The following ACTN3 variants were observed in gnomAD, a reference collection of about 807,000 sequenced individuals.
ACTN3 encodes the protein alpha-actinin-3.
Under a neutral mutation model 119.6 loss-of-function variants are expected in ACTN3, and 91 were observed. That is an observed-to-expected ratio of 0.76 (90% CI 0.64 to 0.91). The LOEUF is 0.91. Among genes scored for constraint, ACTN3 ranks in the 40% least tolerant of loss-of-function variants. The pLI, the probability that ACTN3 is intolerant of heterozygous loss-of-function variation, is 0.00. For missense variants in ACTN3, 1,221 were observed against 1,215.1 expected, an observed-to-expected ratio of 1.00 and a Z score of -0.07; for synonymous variants, 456 against 478.8, an observed-to-expected ratio of 0.95 and a Z score of 0.62.
upstream of ACTN3, chr11:66,546,518 T>A (rs1404133736): frequency 1.3e-6 from 2 of 1,535,186 alleles, no homozygotes. Context: ...GAAATGGGGA[T>A]AGGGCTCTGT....
At position 66,554,107 on chromosome 11, in the gene ACTN3, G is replaced by T; in HGVS notation, c.445G>T (p.Ala149Ser). 6.2e-7 allele frequency: 1 copy of T among 1,613,734 alleles called. No individual in the cohort carries two copies. The highest frequency in any genetic ancestry group is 8.5e-7 in the Non-Finnish European group (1 of 1,179,888). ...GMIWTIILRF[A>S]IQDISVEETS... ...GATCTGGACCATCATCCTTCGCTTC[G>T]CCATCCAGGACATCTCTGTGGAAGG... Residue 149 changes from alanine (A) to serine (S), a missense_variant, in exon 4 of 21, where the codon GCC becomes TCC. By Grantham distance (99) the Ala-to-Ser change is moderately conservative (BLOSUM62 1). This residue lies in a region of ACTN3 where 239 missense variants were observed against 231.8 expected (regional missense o/e 1.03). Coordinates refer to ENST00000513398, the MANE Select transcript of ACTN3 (RefSeq NM_001104.4).
At chr11:66,557,250 C>T (rs371002263) in intron 9 of ACTN3, 25 bp downstream of exon 9, 18 of 1,547,494 alleles carry the variant, frequency 1.2e-5, no homozygotes, top group Admixed American at 3.9e-5. Flanking sequence ...CCACCGTGCT[C>T]TCCCCACCCC....
chr11:66,557,706 A>G lies in ACTN3; in HGVS notation c.905A>G (p.Glu302Gly), dbSNP rs746136942. The change falls in exon 10 of 21, where the codon GAG becomes GGG. Residue 302 changes from glutamate (E) to glycine (G), a missense_variant. Coordinates refer to ENST00000513398, the MANE Select transcript of ACTN3 (RefSeq NM_001104.4). Reference sequence around the variant, plus strand: ...CCTGCCTGGCCCTGTCAGCTGCTGGAGTGGATCCGCCGCACTGTCCCATGG... The same window carrying G: ...CCTGCCTGGCCCTGTCAGCTGCTGGGGTGGATCCGCCGCACTGTCCCATGG... ...EYEKLASELL[E>G]WIRRTVPWLE... 14 of 1,610,432 alleles carry G rather than the reference A, an allele frequency of 8.7e-6. No homozygotes were observed. The Middle Eastern group carries it at 1.2e-3, about 133-fold the overall frequency.
intron 8 of ACTN3, 98 bp downstream of exon 8, chr11:66,556,328 G>A: frequency 8.9e-7 from 1 of 1,128,338 alleles, no homozygotes; most frequent in African/African-American, 1.5e-5. Context: ...GGAGGTTGGA[G>A]TGCCACTGTG....
chr11:66,561,930 G>A, intron 17 of ACTN3, 92 bp from the exon 18 acceptor site: 1 of 1,483,046 alleles, frequency 6.7e-7, no homozygotes, highest in Non-Finnish European at 9.1e-7. Context: ...GGGAGGACTT[G>A]CCCAGGGTCA....
At position 66,562,297 on chromosome 11, in the gene ACTN3, G is replaced by C; in HGVS notation, c.2363G>C (p.Cys788Ser). Reference protein sequence around the residue: ...GMMEPDDFRACLISMGYDLGE... With the variant: ...GMMEPDDFRASLISMGYDLGE... ...ATGGAGCCTGATGACTTCCGAGCTT[G>C]CCTCATCTCCATGGGCTATGACCTG... is the stretch of plus-strand genomic sequence containing the variant. The change falls in exon 19 of 21, where the codon TGC becomes TCC. Residue 788 changes from cysteine to serine, a missense_variant. Around this residue, in one of 3 missense-constraint regions of ACTN3, gnomAD observed 934 missense variants for 899.9 expected, o/e 1.04. Coordinates refer to ENST00000513398, the MANE Select transcript of ACTN3 (RefSeq NM_001104.4). The C allele has an allele frequency of 6.2e-7, 1 of 1,613,328 alleles. No individual in the cohort carries two copies. The highest frequency in any genetic ancestry group is 8.5e-7 in the Non-Finnish European group (1 of 1,179,838).
chr11:66,549,778 G>A, intron 1 of ACTN3, among the ~76,000 whole-genome samples: 1 of 139,038 alleles, frequency 7.2e-6, no homozygotes, highest in African/African-American at 2.7e-5. Context: ...GCACCACCCA[G>A]ACCTGCCTAT....
intron 1 of ACTN3, among the ~76,000 whole-genome samples, chr11:66,547,692 G>C (rs749227018): frequency 1.3e-5 from 2 of 152,134 alleles, no homozygotes; most frequent in Non-Finnish European, 2.9e-5. Flanking sequence ...TCTTTCCCAA[G>C]ATACCCCAGG....
intron 7 of ACTN3, 82 bp downstream of exon 7, chr11:66,555,449 TTCC>T: frequency 6.9e-7 from 1 of 1,439,938 alleles, no homozygotes; most frequent in Non-Finnish European, 9.7e-7. Context: ...GCACGGCCCT[TTCC>T]TCCTCCTGGG....
chr11:66,556,683 C>T (rs1857596853), intron 8 of ACTN3, among the ~76,000 whole-genome samples: 1 of 152,206 alleles, frequency 6.6e-6, no homozygotes, highest in African/African-American at 2.4e-5. Flanking sequence ...GTAACTCACC[C>T]ACCTCAGCCT....
intron 13 of ACTN3, 41 bp from the exon 14 acceptor site, chr11:66,560,130 T>G: frequency 1.3e-6 from 2 of 1,558,820 alleles, no homozygotes; most frequent in South Asian, 1.2e-5. Context: ...AGGCCAGGTC[T>G]GCAGGGCAGG....
At chr11:66,557,332 C>A in intron 9 of ACTN3, 107 bp downstream of exon 9, 1 of 1,099,304 alleles carries the variant, frequency 9.1e-7, no homozygotes, top group Non-Finnish European at 1.3e-6. Context: ...CTCAGAGTAG[C>A]CCTGGCTTCC....
intron 1 of ACTN3, 125 bp from the exon 2 acceptor site, chr11:66,551,109 GGCTGA>G (rs1266959552): frequency 9.3e-6 from 7 of 749,236 alleles, no homozygotes; most frequent in African/African-American, 1.7e-5. Flanking sequence ...GCAAGTCAGT[GGCTGA>G]GCTGAGCTGA....
chr11:66,547,380 A>T (rs1857375500), intron 1 of ACTN3, among the ~76,000 whole-genome samples: 1 of 151,710 alleles, frequency 6.6e-6, no homozygotes, highest in Non-Finnish European at 1.5e-5. Context: ...GGCAAACCCC[A>T]GGAGATCCAA....
intron 3 of ACTN3, among the ~76,000 whole-genome samples, chr11:66,553,375 G>A (rs1001602495): frequency 7.9e-5 from 12 of 152,020 alleles, no homozygotes; most frequent in Admixed American, 3.9e-4. Context: ...CCAACATGGT[G>A]AAACCCCATC....
chr11:66,560,109 GTAGGT>G, intron 13 of ACTN3, 33 bp downstream of exon 13: 1 of 1,048,548 alleles, frequency 9.5e-7, no homozygotes, highest in African/African-American at 1.7e-5. Flanking sequence ...TGGGGGGTGG[GTAGGT>G]GGGTGAGGCC....
intron 3 of ACTN3, among the ~76,000 whole-genome samples, chr11:66,552,238 C>T (rs1314751308): frequency 1.3e-5 from 2 of 151,776 alleles, no homozygotes; most frequent in Admixed American, 6.6e-5. Context: ...GGTGTGGCGG[C>T]GCGTGGCTGT....
intron 1 of ACTN3, among the ~76,000 whole-genome samples, chr11:66,549,046 A>T (rs955215841): frequency 1.3e-5 from 2 of 151,856 alleles, no homozygotes; most frequent in Non-Finnish European, 2.9e-5. Context: ...ATCAAATTTT[A>T]ACTCCCCAGC....
At position 66,562,262 on chromosome 11, in the gene ACTN3, G is replaced by C; in HGVS notation, c.2328G>C (p.Gln776His). 1 of 1,613,804 alleles carries C rather than the reference G, an allele frequency of 6.2e-7. No individual in the cohort carries two copies. The highest frequency in any genetic ancestry group is 8.5e-7 in the Non-Finnish European group (1 of 1,179,870). ...TAACCACTCACCCCCTACAGAAGCA[G>C]AATGGGATGATGGAGCCTGATGACT... Reference protein sequence around the residue: ...RASFNHFDRKQNGMMEPDDFR... With the variant: ...RASFNHFDRKHNGMMEPDDFR... The change falls in exon 19 of 21, where the codon CAG (glutamine) becomes CAC (histidine). Residue 776 changes from glutamine (Q) to histidine (H), a missense_variant. By Grantham distance (24) the Gln-to-His change is conservative. This residue lies in a region of ACTN3 where 934 missense variants were observed against 899.9 expected (regional missense o/e 1.04). Coordinates refer to ENST00000513398, the MANE Select transcript of ACTN3 (RefSeq NM_001104.4).
Sources: gnomAD v4.1 joint callset for allele counts (sites outside exome capture counted in the v4.1 genomes callset) on GRCh38, gnomAD v4.1.1 for gene constraint, gnomAD v4.1.1 regional missense constraint, MANE v1.5 for transcripts, NCBI Gene and HGNC (gene_info 2026-07-23, HGNC 2026-07-21) for gene names.